Variants in SEC24B observed in about 807,000 individuals in gnomAD.
The protein encoded by SEC24B is protein transport protein Sec24B.
SEC24B carries 45 observed loss-of-function variants against 142.8 expected under a neutral mutation model. That is an observed-to-expected ratio of 0.32 (90% confidence interval 0.25 to 0.40). The LOEUF (loss-of-function observed/expected upper bound fraction) is 0.40, where lower values mean the gene tolerates loss of function less well. Ranked by LOEUF, SEC24B falls within the 10% of genes least tolerant of loss-of-function variation. The probability of loss-of-function intolerance (pLI) is 1.00; values close to 1 mark genes in which losing one functional copy is unlikely to be tolerated. For synonymous variants in SEC24B, 574 were observed against 568.2 expected, an observed-to-expected ratio of 1.01 and a Z score of -0.15; for missense variants, 1,409 against 1,526.8, an observed-to-expected ratio of 0.92 and a Z score of 1.29.
At chr4:109,497,606 G>T (rs1053449502) in intron 6 of SEC24B, among the ~76,000 whole-genome samples, 1 of 150,294 alleles carries the variant, frequency 6.7e-6, no homozygotes, top group African/African-American at 2.5e-5. Flanking sequence ...CTTGTGTCTA[G>T]AATCTTTTGC....
At chr4:109,449,218 A>G (rs1729797446) in intron 1 of SEC24B, among the ~76,000 whole-genome samples, 1 of 151,956 alleles carries the variant, frequency 6.6e-6, no homozygotes, top group Admixed American at 6.6e-5. Flanking sequence ...CTGAGGCTTA[A>G]ACAATAGACA....
intron 7 of SEC24B, among the ~76,000 whole-genome samples, chr4:109,506,902 A>G (rs773098138): frequency 2.0e-4 from 31 of 152,306 alleles, no homozygotes; most frequent in Non-Finnish European, 4.0e-4. Context: ...GACCTCACTT[A>G]TGTAATCTCA....
intron 12 of SEC24B, 97 bp from the exon 13 acceptor site, chr4:109,521,020 T>C (rs1166330500): frequency 2.7e-6 from 2 of 752,670 alleles, no homozygotes; most frequent in African/African-American, 3.6e-5. Flanking sequence ...AAAGCAAAAT[T>C]ATAGTACACA....
chr4:109,535,880 A>C (rs138124030), intron 22 of SEC24B, among the ~76,000 whole-genome samples: 20 of 152,240 alleles, frequency 1.3e-4, no homozygotes, highest in African/African-American at 4.8e-4. Flanking sequence ...CTTATACTAA[A>C]CACAAATTTT....
intron 14 of SEC24B, 28 bp from the exon 15 acceptor site, chr4:109,524,790 G>A (rs368897807): frequency 6.3e-7 from 1 of 1,586,932 alleles, no homozygotes; most frequent in Admixed American, 1.8e-5. Context: ...AAGATTGCTA[G>A]CTCTTACTAT....
intron 18 of SEC24B, among the ~76,000 whole-genome samples, chr4:109,528,812 A>G (rs1433197719): frequency 3.3e-5 from 5 of 152,218 alleles, no homozygotes; most frequent in Admixed American, 6.5e-5. Flanking sequence ...ATTAATACTA[A>G]TTTGGGAAAA....
At chr4:109,494,535 G>T in intron 5 of SEC24B, 80 bp from the exon 6 acceptor site, 1 of 1,563,874 alleles carries the variant, frequency 6.4e-7, no homozygotes, top group Non-Finnish European at 8.7e-7. Flanking sequence ...AAATGTCAGG[G>T]GTTATGGACT....
At chr4:109,506,252 T>G in intron 6 of SEC24B, 76 bp from the exon 7 acceptor site, 126 of 1,042,030 alleles carry the variant, frequency 1.2e-4, no homozygotes, top group Middle Eastern at 3.6e-4. Context: ...TTCTGTATGT[T>G]GAGATATGTA....
chr4:109,521,415 C>G lies in SEC24B; in HGVS notation c.2302-5C>G, dbSNP rs1181292215. ...TAATTCAATTTTTGATCTTTGTTTT[C>G]TCAGCTTATAAAAGACTTACTGAAT... is the stretch of plus-strand genomic sequence containing the variant. On this transcript the variant is annotated splice_polypyrimidine_tract_variant and splice_region_variant and intron_variant, in intron 13 of 23. Coordinates refer to ENST00000265175, the MANE Select transcript of SEC24B (RefSeq NM_006323.5). 2 of 1,609,680 alleles carry G rather than the reference C, an allele frequency of 1.2e-6. No homozygotes were observed. The highest frequency in any genetic ancestry group is 3.3e-5 in the Admixed American group (2 of 59,898).
At chr4:109,497,072 T>A (rs535476712) in intron 6 of SEC24B, among the ~76,000 whole-genome samples, 2 of 152,390 alleles carry the variant, frequency 1.3e-5, no homozygotes, top group South Asian at 4.1e-4. Context: ...ACTGCCTGTT[T>A]GTAAATAAAG....
intron 22 of SEC24B, 109 bp downstream of exon 22, chr4:109,533,794 G>T: frequency 1.3e-6 from 1 of 756,930 alleles, no homozygotes; most frequent in South Asian, 1.6e-5. Context: ...GTAATTTTTG[G>T]TATTACACAG....
chr4:109,483,370 T>A (rs1295631995), intron 4 of SEC24B, among the ~76,000 whole-genome samples: 1 of 152,008 alleles, frequency 6.6e-6, no homozygotes, highest in Admixed American at 6.6e-5. Flanking sequence ...TGAGCCACAG[T>A]GCCCGGCCTT....
chr4:109,471,499 T>C (rs1483975800), intron 2 of SEC24B, among the ~76,000 whole-genome samples: 1 of 152,218 alleles, frequency 6.6e-6, no homozygotes, highest in Non-Finnish European at 1.5e-5. Context: ...TGTTAAATAT[T>C]CTTAATCACT....
chr4:109,459,506 A>G (rs1186995961), intron 1 of SEC24B, among the ~76,000 whole-genome samples: 1 of 152,220 alleles, frequency 6.6e-6, no homozygotes, highest in East Asian at 1.9e-4. Flanking sequence ...TTACTTTCAG[A>G]TACTTTTTTA....
chr4:109,458,789 T>A (rs13131765), intron 1 of SEC24B, among the ~76,000 whole-genome samples: 47,997 of 151,758 alleles, frequency 0.32, 9,326 homozygotes, highest in Non-Finnish European at 0.42. Flanking sequence ...GTTAGCAGGT[T>A]ATCTCGGGAA....
chr4:109,535,956 G>A (rs1725491888), intron 22 of SEC24B, among the ~76,000 whole-genome samples: 1 of 152,250 alleles, frequency 6.6e-6, no homozygotes, highest in Non-Finnish European at 1.5e-5. Context: ...AAACAGATTT[G>A]TATAATTAAT....
intron 1 of SEC24B, 136 bp from the exon 2 acceptor site, chr4:109,462,765 G>T: frequency 1.4e-6 from 1 of 706,330 alleles, no homozygotes; most frequent in Non-Finnish European, 2.3e-6. Context: ...ACCATAATGG[G>T]TCTATAACAG....
intron 1 of SEC24B, among the ~76,000 whole-genome samples, chr4:109,459,602 C>G (rs759401043): frequency 6.6e-6 from 1 of 152,092 alleles, no homozygotes; most frequent in Non-Finnish European, 1.5e-5. Flanking sequence ...TTCCCACCCC[C>G]CATGTTTTCC....
At chr4:109,534,619 C>T (rs1229952653) in intron 22 of SEC24B, among the ~76,000 whole-genome samples, 1 of 151,996 alleles carries the variant, frequency 6.6e-6, no homozygotes, top group East Asian at 1.9e-4. Context: ...TGGGTAAGGC[C>T]TTTGTGTGTG....
Sources: allele counts gnomAD v4.1 joint callset (sites outside exome capture counted in the v4.1 genomes callset), GRCh38; gene constraint gnomAD v4.1.1; transcripts MANE v1.5; gene names NCBI Gene and HGNC (gene_info 2026-07-23, HGNC 2026-07-21).